The following LGSN variants were observed in gnomAD, a reference collection of about 807,000 sequenced individuals.
LGSN encodes lengsin, lens protein with glutamine synthetase domain, also known as lengsin.
Under a neutral mutation model 19.5 loss-of-function variants are expected in LGSN, and 21 were observed. The ratio of observed to expected loss-of-function variants is 1.07; its 90% CI spans 0.76 to 1.55. The LOEUF is 1.55. Among genes scored for constraint, LGSN ranks in the 40% most tolerant of loss-of-function variants. The probability of loss-of-function intolerance (pLI) is 0.00; values close to 1 mark genes in which losing one functional copy is unlikely to be tolerated. For missense variants in LGSN, 673 were observed against 608.5 expected (o/e 1.11, Z -1.12); for synonymous variants, 257 against 215.6 (o/e 1.19, Z -1.68).
the LGSN span, among the ~76,000 whole-genome samples, chr6:63,549,748 T>TA: frequency 1.8e-4 from 26 of 146,484 alleles, no homozygotes; most frequent in African/African-American, 3.2e-4. Context: ...ATGTGGAAGC[T>TA]AAAAAAAAAA....
chr6:63,565,978 A>C, the LGSN span, among the ~76,000 whole-genome samples: 1 of 152,220 alleles, frequency 6.6e-6, no homozygotes, highest in East Asian at 1.9e-4. Flanking sequence ...TCAGCTCCAG[A>C]CCACCACAAT....
the LGSN span, among the ~76,000 whole-genome samples, chr6:63,485,321 A>G: frequency 6.6e-6 from 1 of 152,172 alleles, no homozygotes. Flanking sequence ...TTTGCTAAGG[A>G]TAATGGCCTC....
the LGSN span, among the ~76,000 whole-genome samples, chr6:63,558,409 A>T: frequency 2.0e-5 from 3 of 152,320 alleles, no homozygotes; most frequent in South Asian, 6.2e-4. Flanking sequence ...CAGACTCAAT[A>T]GAATGTGGTA....
chr6:63,514,535 C>A, the LGSN span, among the ~76,000 whole-genome samples: 2 of 152,052 alleles, frequency 1.3e-5, no homozygotes, highest in East Asian at 3.9e-4. Flanking sequence ...CCCTCTTTGA[C>A]GTTTTATCAT....
chr6:63,350,308 C>T, the LGSN span, among the ~76,000 whole-genome samples: 34 of 152,256 alleles, frequency 2.2e-4, no homozygotes, highest in African/African-American at 7.7e-4. Context: ...AATTATTTCA[C>T]AGGGTTGTTA....
At chr6:63,450,847 T>A in the LGSN span, among the ~76,000 whole-genome samples, 1 of 151,882 alleles carries the variant, frequency 6.6e-6, no homozygotes, top group Admixed American at 6.6e-5. Context: ...CAATTTTTTG[T>A]ATTTTTGGTA....
chr6:63,380,569 A>AT, the LGSN span, among the ~76,000 whole-genome samples: 2 of 150,702 alleles, frequency 1.3e-5, no homozygotes, highest in East Asian at 1.9e-4. Context: ...TTCTGAAAAC[A>AT]TTTTTTTTTC....
chr6:63,404,525 TTCAAGA>T, the LGSN span, among the ~76,000 whole-genome samples: 1 of 152,116 alleles, frequency 6.6e-6, no homozygotes, highest in South Asian at 2.1e-4. Flanking sequence ...GGCTGGTATA[TTCAAGA>T]TCAGGACACC....
chr6:63,344,355 A>G, the LGSN span, among the ~76,000 whole-genome samples: 2 of 152,250 alleles, frequency 1.3e-5, no homozygotes, highest in Non-Finnish European at 2.9e-5. Context: ...CTATCTATCC[A>G]GTCAAACTAT....
the LGSN span, among the ~76,000 whole-genome samples, chr6:63,433,748 T>C: frequency 2.6e-5 from 4 of 152,306 alleles, no homozygotes; most frequent in South Asian, 2.1e-4. Context: ...ATATAGGCCA[T>C]GAGTATTCAT....
the LGSN span, among the ~76,000 whole-genome samples, chr6:63,338,754 A>G: frequency 5.9e-5 from 9 of 151,614 alleles, no homozygotes; most frequent in Non-Finnish European, 1.2e-4. Context: ...TTGCTTTTCT[A>G]CATCCTTAGG....
At chr6:63,326,564 A>G in the LGSN span, among the ~76,000 whole-genome samples, 7 of 152,206 alleles carry the variant, frequency 4.6e-5, no homozygotes, top group African/African-American at 1.7e-4. Context: ...AGGCTCAGGC[A>G]TGGCGGGCTG....
At chr6:63,438,985 A>C in the LGSN span, among the ~76,000 whole-genome samples, 1 of 152,244 alleles carries the variant, frequency 6.6e-6, no homozygotes, top group African/African-American at 2.4e-5. Context: ...CTGGATTAAG[A>C]AAATGTGGCA....
the LGSN span, among the ~76,000 whole-genome samples, chr6:63,566,042 CACTA>C: frequency 6.6e-6 from 1 of 152,258 alleles, no homozygotes; most frequent in Non-Finnish European, 1.5e-5. Context: ...TTCCCATTTA[CACTA>C]CATTGTTGTC....
chr6:63,337,576 T>C, the LGSN span, among the ~76,000 whole-genome samples: 449 of 151,934 alleles, frequency 3.0e-3, 3 homozygotes, highest in African/African-American at 0.01. Context: ...CCAAGGCAGG[T>C]AGATCACTTG....
chr6:63,570,274 T>C, the LGSN span, among the ~76,000 whole-genome samples: 1 of 152,212 alleles, frequency 6.6e-6, no homozygotes, highest in African/African-American at 2.4e-5. Flanking sequence ...GAGGTTGCAG[T>C]GAGCAAAGAT....
chr6:63,505,699 G>T, the LGSN span, among the ~76,000 whole-genome samples: 4 of 151,360 alleles, frequency 2.6e-5, no homozygotes, highest in African/African-American at 7.3e-5. Context: ...TCGCTCTGTC[G>T]CCCAGGCCAA....
the LGSN span, among the ~76,000 whole-genome samples, chr6:63,502,631 A>G: frequency 3.3e-5 from 5 of 152,218 alleles, no homozygotes; most frequent in Admixed American, 2.6e-4. Context: ...TTTTTCTTTA[A>G]TATGATTTAT....
chr6:63,453,891 C>T, the LGSN span, among the ~76,000 whole-genome samples: 2 of 152,072 alleles, frequency 1.3e-5, no homozygotes, highest in East Asian at 1.9e-4. Context: ...CTCCTGACCT[C>T]GTGATCCACC....
Sources: allele counts gnomAD v4.1 joint callset (sites outside exome capture counted in the v4.1 genomes callset), GRCh38; gene constraint gnomAD v4.1.1; transcripts MANE v1.5; gene names NCBI Gene and HGNC (gene_info 2026-07-23, HGNC 2026-07-21).